The following PPL variants were observed in gnomAD, a reference collection of about 807,000 sequenced individuals.
PPL encodes the protein 190 kDa paraneoplastic pemphigus antigen.
Under a neutral mutation model 194.4 loss-of-function variants are expected in PPL, and 198 were observed. The ratio of observed to expected loss-of-function variants is 1.02; its 90% confidence interval spans 0.91 to 1.15. The LOEUF is 1.15. Among genes scored for constraint, PPL ranks in the 50% most tolerant of loss-of-function variants. The pLI, the probability that PPL is intolerant of heterozygous loss-of-function variation, is 0.00. For synonymous variants in PPL, 1,220 were observed against 972.4 expected, an observed-to-expected ratio of 1.25 and a Z score of -4.74; for missense variants, 2,885 against 2,294.8, an observed-to-expected ratio of 1.26 and a Z score of -5.25.
Position 4,893,589 on chromosome 16 carries a change from GT to G in PPL, c.1443del (p.Lys481AsnfsTer11), listed in dbSNP as rs1568001294. The G allele has an allele frequency of 6.2e-7, 1 of 1,610,868 alleles. No individual in the cohort carries two copies. The highest frequency in any genetic ancestry group is 8.5e-7 in the Non-Finnish European group (1 of 1,179,548). ...ACCTCATACCGCTGCTGCAGCGTGC[GT>G]TTGCTCCCAGCTGCCTTCTGCCGCA... ...RSVRQKAAGS[K>X]RTLQQRYEVL... On this transcript the variant is annotated frameshift_variant, in exon 13 of 22. Coordinates refer to ENST00000345988, the MANE Select transcript of PPL (RefSeq NM_002705.5). LOFTEE classifies it high-confidence loss of function.
intron 2 of PPL, among the ~76,000 whole-genome samples, chr16:4,904,617 G>T (rs1308548062): frequency 6.6e-6 from 1 of 152,236 alleles, no homozygotes; most frequent in African/African-American, 2.4e-5. Flanking sequence ...CCTGAGGCAG[G>T]AGAGAGCGAG....
chr16:4,936,911 G>T, intron 1 of PPL, 73 bp downstream of exon 1: 1 of 1,444,924 alleles, frequency 6.9e-7, no homozygotes, highest in Non-Finnish European at 9.4e-7. Context: ...TACACTGCCC[G>T]GGAGGTCTTC....
At chr16:4,903,704 G>A (rs1210779931) in intron 3 of PPL, among the ~76,000 whole-genome samples, 182 bp downstream of exon 3, 3 of 150,090 alleles carry the variant, frequency 2.0e-5, no homozygotes, top group Non-Finnish European at 4.4e-5. Flanking sequence ...TGGGCAACAA[G>A]AGCAAAACTA....
At chr16:4,890,062 A>T in intron 18 of PPL, 122 bp downstream of exon 18, 1 of 1,417,818 alleles carries the variant, frequency 7.1e-7, no homozygotes, top group Non-Finnish European at 9.8e-7. Context: ...GGGAGGACAC[A>T]GCTGTGGCAG....
At chr16:4,923,085 A>C (rs2142412433) in intron 1 of PPL, among the ~76,000 whole-genome samples, 1 of 152,250 alleles carries the variant, frequency 6.6e-6, no homozygotes, top group African/African-American at 2.4e-5. Flanking sequence ...GGGTGTTCCC[A>C]CTGCTCTGAG....
At chr16:4,918,181 T>C (rs1023290226) in intron 1 of PPL, among the ~76,000 whole-genome samples, 4 of 151,134 alleles carry the variant, frequency 2.6e-5, no homozygotes, top group Admixed American at 6.6e-5. Context: ...TAATCCCAGC[T>C]ACTTGGGAGG....
At position 4,895,262 on chromosome 16, in the gene PPL, T is replaced by G. The variant is rs1338923283; in HGVS notation, c.1241A>C (p.Gln414Pro). The G allele has an allele frequency of 1.2e-6, 2 of 1,601,852 alleles. No individual in the cohort carries two copies. The highest frequency in any genetic ancestry group is 1.7e-6 in the Non-Finnish European group (2 of 1,173,492). Reference protein sequence around the residue: ...VEALCDFEGEQGLISRGYSYT... With the variant: ...VEALCDFEGEPGLISRGYSYT... The stretch of plus-strand genomic sequence containing the variant: ...AACAGAGGAGCTGGCCCCACGCACC[T>G]GCTCCCCCTCAAAGTCACAGAGTGC... The change falls in exon 11 of 22, where the codon CAG becomes CCG. Residue 414 changes from glutamine (Q) to proline (P), a missense_variant and splice_region_variant. By Grantham distance (76) the Gln-to-Pro change is moderately conservative. Transcript: ENST00000345988.
At chr16:4,889,204 T>G (rs2088269262) in intron 18 of PPL, 143 bp from the exon 19 acceptor site, 1 of 621,678 alleles carries the variant, frequency 1.6e-6, no homozygotes, top group Non-Finnish European at 2.8e-6. Flanking sequence ...TGTATACATT[T>G]TTATTCATTG....
At chr16:4,921,378 C>T (rs954347632) in intron 1 of PPL, among the ~76,000 whole-genome samples, 1 of 152,194 alleles carries the variant, frequency 6.6e-6, no homozygotes, top group Admixed American at 6.5e-5. Flanking sequence ...GCAGAGGAAC[C>T]ACTAGGGAGG....
intron 1 of PPL, among the ~76,000 whole-genome samples, chr16:4,917,621 C>T (rs1263855225): frequency 3.3e-5 from 5 of 152,176 alleles, no homozygotes; most frequent in African/African-American, 1.2e-4. Context: ...ATCCACTGGG[C>T]TGGGCGTGGT....
At chr16:4,909,379 C>G (rs1686260789) in intron 2 of PPL, among the ~76,000 whole-genome samples, 1 of 151,642 alleles carries the variant, frequency 6.6e-6, no homozygotes, top group Admixed American at 6.6e-5. Flanking sequence ...CCTTGACCTC[C>G]CTCCTGACCT....
intron 14 of PPL, 110 bp downstream of exon 14, chr16:4,893,103 A>G: frequency 7.7e-7 from 1 of 1,302,564 alleles, no homozygotes; most frequent in African/African-American, 1.5e-5. Context: ...CCTGACAGAC[A>G]GCTGCAGTGA....
chr16:4,884,517 G>A lies in PPL; in HGVS notation c.4138C>T (p.Arg1380Trp), dbSNP rs34911067. 34 of 1,610,518 alleles carry A rather than the reference G, an allele frequency of 2.1e-5. No individual in the cohort carries two copies. The East Asian group carries it at 5.3e-4, about 25-fold the overall frequency. The part of the protein sequence containing the change: ...AFAESIDVEL[R>W]QIDKLRAELR... ...TCTGCCCGCAGCTTGTCAATCTGCC[G>A]CAGCTCCACATCGATGCTCTCGGCA... Residue 1380 changes from arginine (R) to tryptophan (W), a missense_variant, in exon 22 of 22, where the codon CGG becomes TGG. Arg to Trp is a moderately radical substitution (Grantham distance 101). Coordinates refer to ENST00000345988, the MANE Select transcript of PPL (RefSeq NM_002705.5). The surrounding 1 kb of genome is among the most constrained non-coding windows in gnomAD (Gnocchi z 5.7).
At chr16:4,899,182 G>C in intron 7 of PPL, 41 bp downstream of exon 7, 2 of 1,613,542 alleles carry the variant, frequency 1.2e-6, no homozygotes, top group Non-Finnish European at 1.7e-6. Context: ...GCTCCTTCCA[G>C]GGCTGCCTCC....
rs1260434613 is a variant in PPL at position 4,884,688 on chromosome 16, C to G, written c.3967G>C (p.Val1323Leu). 1 of 1,614,044 alleles carries G rather than the reference C, an allele frequency of 6.2e-7. No homozygotes were observed. Among genetic ancestry groups the G allele is most frequent in the Non-Finnish European group, 8.5e-7 (1 of 1,180,048 alleles). Reference protein sequence around the residue: ...AKLSEEQKKQVDLERERASQE... With the variant: ...AKLSEEQKKQLDLERERASQE... Reference sequence around the variant, plus strand: ...GAAGCTCTTTCCCTCTCCAGATCCACTTGTTTCTTCTGCTCCTCTGAGAGC... The same window carrying G: ...GAAGCTCTTTCCCTCTCCAGATCCAGTTGTTTCTTCTGCTCCTCTGAGAGC... The change falls in exon 22 of 22, where the codon GTG (valine) becomes CTG (leucine). Residue 1323 changes from valine to leucine, a missense_variant. Transcript: ENST00000345988. This position sits in a 1 kb window ranked among gnomAD's most constrained non-coding sequence, Gnocchi z 5.7.
At chr16:4,894,371 C>T (rs148012202) in intron 12 of PPL, 96 bp downstream of exon 12, 3 of 1,504,552 alleles carry the variant, frequency 2.0e-6, no homozygotes, top group Non-Finnish European at 2.7e-6. Context: ...CCGCGCTCCC[C>T]ACAGGCTGAG....
intron 1 of PPL, among the ~76,000 whole-genome samples, chr16:4,923,971 A>T (rs889495569): frequency 6.6e-6 from 1 of 152,178 alleles, no homozygotes; most frequent in Non-Finnish European, 1.5e-5. Context: ...AACAGCATGT[A>T]TTACTCCACC....
In PPL at chr16:4,937,004, G is replaced by T. The variant is rs879362814; in HGVS notation, c.42C>A (p.Ser14Arg). ...CTCACCTCCGGGTCTGCACAGTGGGGCTGTATTTGCCTTTGTTTCTCTTCC... is the reference window on the plus strand; with the variant it reads ...CTCACCTCCGGGTCTGCACAGTGGGTCTGTATTTGCCTTTGTTTCTCTTCC... The part of the protein sequence containing the change: ...LFRKRNKGKY[S>R]PTVQTRSISN... Residue 14 changes from serine to arginine, a missense_variant, in exon 1 of 22, where the codon AGC becomes AGA. Coordinates refer to ENST00000345988, the MANE Select transcript of PPL (RefSeq NM_002705.5). 6.4e-7 allele frequency: 1 copy of T among 1,556,548 alleles called. No individual in the cohort carries two copies. The highest frequency in any genetic ancestry group is 2.6e-5 in the East Asian group (1 of 38,538).
chr16:4,916,489 G>A (rs758685424), intron 1 of PPL, among the ~76,000 whole-genome samples: 5 of 149,058 alleles, frequency 3.4e-5, no homozygotes, highest in Non-Finnish European at 7.4e-5. Flanking sequence ...TGGGATTACA[G>A]GTGTGAGCCA....
Sources: gnomAD v4.1 joint callset for allele counts (sites outside exome capture counted in the v4.1 genomes callset) on GRCh38, gnomAD v4.1.1 for gene constraint, Gnocchi (gnomAD v3.1) non-coding constraint, MANE v1.5 for transcripts, NCBI Gene and HGNC (gene_info 2026-07-23, HGNC 2026-07-21) for gene names.